EBF1: variants seen among roughly 807,000 people sequenced by gnomAD.
EBF1 encodes transcription factor COE1.
A neutral mutation model predicts 68.4 loss-of-function variants in EBF1; 10 were observed. The observed-to-expected ratio is 0.15, with a 90% confidence interval of 0.09 to 0.25. The LOEUF (loss-of-function observed/expected upper bound fraction) is 0.25. Among genes scored for constraint, EBF1 ranks in the 10% least tolerant of loss-of-function variants. The pLI, the probability that EBF1 is intolerant of heterozygous loss-of-function variation, is 1.00. For missense variants in EBF1, 509 were observed against 794.4 expected (o/e 0.64, Z 4.32); for synonymous variants, 298 against 299.8 (o/e 0.99, Z 0.06).
chr5:158,746,748 T>C (rs1041576856), intron 10 of EBF1, among the ~76,000 whole-genome samples: 3 of 152,220 alleles, frequency 2.0e-5, no homozygotes, highest in African/African-American at 4.8e-5. Flanking sequence ...TTTAGCTCCA[T>C]CTGCGGAATT....
At chr5:158,833,358 T>C (rs1788039625) in intron 7 of EBF1, among the ~76,000 whole-genome samples, 1 of 151,974 alleles carries the variant, frequency 6.6e-6, no homozygotes, top group Admixed American at 6.6e-5. Flanking sequence ...TGTTTTTCTC[T>C]CTCATAATAA....
At chr5:158,864,074 A>G (rs1034734797) in intron 6 of EBF1, among the ~76,000 whole-genome samples, 1 of 152,062 alleles carries the variant, frequency 6.6e-6, no homozygotes, top group Non-Finnish European at 1.5e-5. Context: ...TCTACTAAAA[A>G]TACAAAAAAT....
chr5:158,803,097 G>C (rs79227651), intron 8 of EBF1, among the ~76,000 whole-genome samples: 3,610 of 152,166 alleles, frequency 0.024, 159 homozygotes, highest in African/African-American at 0.083. Context: ...TTTCAGAAAT[G>C]AGGAATCGAC....
intron 6 of EBF1, among the ~76,000 whole-genome samples, chr5:159,015,265 A>C (rs1178992388): frequency 6.6e-6 from 1 of 152,190 alleles, no homozygotes; most frequent in Non-Finnish European, 1.5e-5. Context: ...ATAAACCCTC[A>C]ATGTCAGCTA....
At chr5:159,088,734 C>A (rs945011281) in intron 4 of EBF1, among the ~76,000 whole-genome samples, 2 of 152,044 alleles carry the variant, frequency 1.3e-5, no homozygotes, top group African/African-American at 4.8e-5. Flanking sequence ...AAAGACAACA[C>A]TGGTTTAAAT....
At chr5:159,075,195 C>G (rs868818579) in intron 5 of EBF1, among the ~76,000 whole-genome samples, 1 of 152,184 alleles carries the variant, frequency 6.6e-6, no homozygotes, top group Non-Finnish European at 1.5e-5. Flanking sequence ...TGCCAGGGAA[C>G]AGGCTTGAGG....
Position 159,084,170 on chromosome 5 carries a change from A to G in EBF1, c.485+496T>C, listed in dbSNP as rs187249655. Among the ~76,000 whole-genome samples, 4 of 149,018 alleles carry G rather than the reference A, an allele frequency of 2.7e-5. 1 individual carries two copies. The highest frequency in any genetic ancestry group is 2.7e-4 in the Admixed American group (4 of 14,984). On this transcript the variant is annotated intron_variant, in intron 5 of 15. Coordinates refer to ENST00000313708, the MANE Select transcript of EBF1 (RefSeq NM_024007.5). ...ATAAGAGGTGAGATGCAAGAGGAAG[A>G]AAAAAAAAACCCACATGCAATTTAA...
rs368259424 is a variant in EBF1, at chr5:158,850,772, C to T, written c.555-10662G>A. Among the ~76,000 whole-genome samples, 317 of 152,210 alleles carry T rather than the reference C, an allele frequency of 2.1e-3. 3 individuals carry two copies. The highest frequency in any genetic ancestry group is 7.3e-3 in the African/African-American group (304 of 41,526). On this transcript the variant is annotated intron_variant, in intron 6 of 15. Transcript: ENST00000313708. Reference sequence around the variant, plus strand: ...CTGTAATCTCAGCACTTTGGGAGGCCGAGGCGTGTGGATTGCTTGAGGTCA... The same window carrying T: ...CTGTAATCTCAGCACTTTGGGAGGCTGAGGCGTGTGGATTGCTTGAGGTCA...
chr5:158,829,962 C>T (rs1452759764), intron 7 of EBF1, among the ~76,000 whole-genome samples: 1 of 152,216 alleles, frequency 6.6e-6, no homozygotes, highest in East Asian at 1.9e-4. Context: ...ATCTCATCTA[C>T]ATGAGAAGCT....
chr5:158,943,407 G>A (rs2127478700), intron 6 of EBF1, among the ~76,000 whole-genome samples: 1 of 152,098 alleles, frequency 6.6e-6, no homozygotes, highest in Non-Finnish European at 1.5e-5. Context: ...AGAGAAAAAA[G>A]CAGTGCTCCT....
intron 9 of EBF1, among the ~76,000 whole-genome samples, chr5:158,778,048 C>G (rs764532952): frequency 3.9e-5 from 6 of 152,046 alleles, no homozygotes; most frequent in Non-Finnish European, 7.4e-5. Context: ...AATCAAAGAG[C>G]TTTACAGGGG....
At chr5:158,777,662 A>G in intron 9 of EBF1, 123 bp from the exon 10 acceptor site, 6 of 980,078 alleles carry the variant, frequency 6.1e-6, no homozygotes, top group African/African-American at 1.7e-5. Flanking sequence ...TTTAAATCCA[A>G]TCTTGATGGA....
At chr5:158,871,642 T>C (rs960338047) in intron 6 of EBF1, among the ~76,000 whole-genome samples, 5 of 152,028 alleles carry the variant, frequency 3.3e-5, no homozygotes, top group South Asian at 4.2e-4. Flanking sequence ...TCCCCATAGG[T>C]GGAAACAGGA....
At chr5:158,937,001 AG>A (rs564055570) in intron 6 of EBF1, among the ~76,000 whole-genome samples, 14 of 151,842 alleles carry the variant, frequency 9.2e-5, no homozygotes, top group Admixed American at 5.9e-4. Context: ...GGCAACCGAA[AG>A]CTTGGCTTGG....
At chr5:158,960,774 C>A (rs1485191760) in intron 6 of EBF1, among the ~76,000 whole-genome samples, 1 of 152,180 alleles carries the variant, frequency 6.6e-6, no homozygotes, top group Non-Finnish European at 1.5e-5. Flanking sequence ...TCTCTGTAGG[C>A]TCACTCAGTG....
rs544455139 is a variant in EBF1 at position 158,880,515 on chromosome 5, T to A, written c.555-40405A>T. 3.1e-4 allele frequency among the ~76,000 whole-genome samples: 47 copies of A among 152,306 alleles called. 1 individual carries two copies. The highest frequency in any genetic ancestry group is 1.0e-3 in the African/African-American group (43 of 41,546). On this transcript the variant is annotated intron_variant, in intron 6 of 15. Transcript: ENST00000313708. ...CCTCTGCCCAGCACGGCACTAAACA[T>A]ATGTACATATTTGTTCGATAGAATC...
chr5:159,059,985 A>G (rs4921121), intron 6 of EBF1, among the ~76,000 whole-genome samples: 41,123 of 152,126 alleles, frequency 0.27, 5,834 homozygotes, highest in East Asian at 0.45. Flanking sequence ...AGTAAAATTC[A>G]GTTCAAATTT....
chr5:158,947,762 T>C (rs1815096833), intron 6 of EBF1, among the ~76,000 whole-genome samples: 1 of 152,192 alleles, frequency 6.6e-6, no homozygotes, highest in African/African-American at 2.4e-5. Context: ...GAAGTAATCA[T>C]GTCTGAGCAA....
At chr5:158,972,109 G>A (rs990000204) in intron 6 of EBF1, among the ~76,000 whole-genome samples, 7 of 152,086 alleles carry the variant, frequency 4.6e-5, no homozygotes, top group East Asian at 1.9e-4. Flanking sequence ...CAAGGTGTCC[G>A]TGCTGATTGT....
Sources: allele counts gnomAD v4.1 joint callset (sites outside exome capture counted in the v4.1 genomes callset), GRCh38; gene constraint gnomAD v4.1.1; transcripts MANE v1.5; gene names NCBI Gene and HGNC (gene_info 2026-07-23, HGNC 2026-07-21).